The following GFPT1 variants were observed in gnomAD, a reference collection of about 807,000 sequenced individuals.
GFPT1 encodes the protein glutamine--fructose-6-phosphate transaminase 1, also known as glutamine--fructose-6-phosphate aminotransferase [isomerizing] 1.
In GFPT1, 40 loss-of-function variants were observed where a neutral mutation model predicts 92.0. The ratio of observed to expected loss-of-function variants is 0.43; its 90% confidence interval spans 0.34 to 0.57. GFPT1 has a LOEUF of 0.57. Ranked by LOEUF, GFPT1 falls within the 20% of genes least tolerant of loss-of-function variation. GFPT1 has a pLI of 0.02. For synonymous variants in GFPT1, 269 were observed against 280.6 expected (o/e 0.96, Z 0.41); for missense variants, 448 against 869.1 (o/e 0.52, Z 6.09).
At chr2:69,338,146 C>T in intron 14 of GFPT1, 91 bp from the exon 15 acceptor site, 2 of 1,105,044 alleles carry the variant, frequency 1.8e-6, no homozygotes, top group Non-Finnish European at 2.8e-6. Context: ...ACACTTTCAA[C>T]AATATTACTT....
chr2:69,361,447 C>CAA lies in GFPT1; in HGVS notation c.349+2096_349+2097dup, dbSNP rs558027010. 4.4e-3 allele frequency among the ~76,000 whole-genome samples: 390 copies of CAA among 87,864 alleles called. 1 individual carries two copies. Among genetic ancestry groups the CAA allele is most frequent in the African/African-American group, 0.016 (350 of 21,910 alleles). 57.6% of individuals were successfully genotyped at this position (87,864 alleles called of 152,430 possible). On this transcript the variant is annotated intron_variant, in intron 4 of 19. Transcript: ENST00000357308. Reference sequence around the variant, plus strand: ...TTGGAGAAAGAGCGAGATTCCTTCTCAAAAAAAAAAAAAAAAAAAAACTTC... The same window carrying CAA: ...TTGGAGAAAGAGCGAGATTCCTTCTCAAAAAAAAAAAAAAAAAAAAAAACTTC...
intron 3 of GFPT1, among the ~76,000 whole-genome samples, chr2:69,366,994 G>A (rs1671626909): frequency 6.6e-6 from 1 of 152,164 alleles, no homozygotes; most frequent in Non-Finnish European, 1.5e-5. Flanking sequence ...AAAACATCTA[G>A]TCATCTGTGC....
intron 14 of GFPT1, 58 bp downstream of exon 14, chr2:69,338,387 G>T: frequency 6.9e-7 from 1 of 1,455,630 alleles, no homozygotes; most frequent in Non-Finnish European, 9.6e-7. Context: ...GCCAAGATAT[G>T]CTAGAATTAT....
chr2:69,330,876 C>A (rs1387365705), intron 15 of GFPT1, among the ~76,000 whole-genome samples: 1 of 152,074 alleles, frequency 6.6e-6, no homozygotes, highest in Non-Finnish European at 1.5e-5. Context: ...CTCAGATACC[C>A]CATCTGTTAA....
intron 12 of GFPT1, among the ~76,000 whole-genome samples, chr2:69,344,916 A>T (rs1287409688): frequency 6.6e-6 from 1 of 152,144 alleles, no homozygotes; most frequent in Non-Finnish European, 1.5e-5. Flanking sequence ...TACAGGCATG[A>T]GCCACTGCAC....
intron 1 of GFPT1, among the ~76,000 whole-genome samples, chr2:69,377,230 TTAAG>T (rs1671894164): frequency 7.9e-6 from 1 of 126,652 alleles, no homozygotes; most frequent in Non-Finnish European, 1.7e-5. Context: ...AAAAAAAAGA[TTAAG>T]TAATGCAATA....
chr2:69,385,760 A>G (rs1672115247), intron 1 of GFPT1, among the ~76,000 whole-genome samples: 1 of 152,144 alleles, frequency 6.6e-6, no homozygotes, highest in Admixed American at 6.5e-5. Context: ...AGACACTGCA[A>G]AAGTCTGATT....
At position 69,354,550 on chromosome 2, in the gene GFPT1, C is replaced by T. The variant is rs1170516739; in HGVS notation, c.624G>A (p.Leu208=). 2 of 1,608,520 alleles carry T rather than the reference C, an allele frequency of 1.2e-6. No individual in the cohort carries two copies. Among genetic ancestry groups the T allele is most frequent in the African/African-American group, 2.7e-5 (2 of 74,820 alleles). ...AVGTRRGSPL[L]IGVRSEHKLS... ...GTTTATGTTCACTCCGTACACCAATCAACAGAGGGCTACCTCGCCTGTAAA... is the reference window on the plus strand; with the variant it reads ...GTTTATGTTCACTCCGTACACCAATTAACAGAGGGCTACCTCGCCTGTAAA... Residue 208 remains leucine, a synonymous_variant, in exon 8 of 20, where the codon TTG becomes TTA. Transcript: ENST00000357308.
At chr2:69,367,986 A>C (rs1671651123) in intron 3 of GFPT1, among the ~76,000 whole-genome samples, 1 of 152,186 alleles carries the variant, frequency 6.6e-6, no homozygotes, top group African/African-American at 2.4e-5. Context: ...CAGTGGTTCA[A>C]GCCTGTAATT....
intron 3 of GFPT1, among the ~76,000 whole-genome samples, chr2:69,369,707 C>T (rs1054013708): frequency 2.0e-5 from 3 of 152,210 alleles, no homozygotes; most frequent in Non-Finnish European, 2.9e-5. Flanking sequence ...AAAGCTCTTC[C>T]TCAGGAATGG....
chr2:69,378,046 C>T (rs1436912260), intron 1 of GFPT1, among the ~76,000 whole-genome samples: 3 of 152,138 alleles, frequency 2.0e-5, no homozygotes, highest in African/African-American at 7.2e-5. Context: ...AACAGAGTCT[C>T]GCTTTGTCGC....
At chr2:69,361,276 T>C (rs997197012) in intron 4 of GFPT1, among the ~76,000 whole-genome samples, 1 of 151,626 alleles carries the variant, frequency 6.6e-6, no homozygotes, top group African/African-American at 2.4e-5. Flanking sequence ...GGTGAAACCT[T>C]GTCTCTACTA....
intron 11 of GFPT1, 86 bp from the exon 12 acceptor site, chr2:69,346,085 T>C: frequency 3.8e-6 from 3 of 788,198 alleles, no homozygotes; most frequent in Non-Finnish European, 6.7e-6. Flanking sequence ...TTTAATATAA[T>C]CTTGGTAAAT....
At chr2:69,337,060 ATTTTTTTTTT>A (rs376497924) in intron 15 of GFPT1, among the ~76,000 whole-genome samples, 3 of 118,510 alleles carry the variant, frequency 2.5e-5, no homozygotes, top group Admixed American at 1.8e-4. Context: ...CAAATTTTAA[ATTTTTTTTTT>A]TTTTTTTTTT....
chr2:69,341,924 T>C (rs1011675937), intron 13 of GFPT1, among the ~76,000 whole-genome samples: 4 of 152,144 alleles, frequency 2.6e-5, no homozygotes, highest in Non-Finnish European at 4.4e-5. Context: ...ATGAAGTCCG[T>C]TGCAGGAGGT....
intron 15 of GFPT1, among the ~76,000 whole-genome samples, chr2:69,336,333 T>A: frequency 9.7e-6 from 1 of 102,642 alleles, no homozygotes; most frequent in East Asian, 2.3e-4. Flanking sequence ...AGTGAGAGTC[T>A]GTCTCCAAAA....
intron 15 of GFPT1, among the ~76,000 whole-genome samples, chr2:69,333,372 G>A (rs930146479): frequency 2.6e-5 from 4 of 152,072 alleles, no homozygotes; most frequent in African/African-American, 9.7e-5. Flanking sequence ...AATATTAAAC[G>A]GAGCAACTTT....
Position 69,329,216 on chromosome 2 carries a change from A to T in GFPT1, c.1725+81T>A. 4.4e-6 allele frequency: 6 copies of T among 1,364,734 alleles called. No homozygotes were observed. In the South Asian group the frequency reaches 5.9e-5, roughly 13 times the overall value. The allele number at this position is 1,364,734 out of a possible 1,614,324, so 84.5% of individuals were successfully genotyped here. A position where few individuals can be genotyped will look rare whatever the true frequency, so the allele number is the denominator to read the frequency against. On this transcript the variant is annotated intron_variant, in intron 17 of 19. Coordinates refer to ENST00000357308, the MANE Select transcript of GFPT1 (RefSeq NM_001244710.2). ...CACTTTCAAAAGTTCTACCTATTTC[A>T]TTCATTTAATGTAAAAGTATGACTA...
intron 3 of GFPT1, among the ~76,000 whole-genome samples, chr2:69,366,263 T>G (rs939233602): frequency 3.9e-5 from 6 of 152,230 alleles, no homozygotes; most frequent in Non-Finnish European, 8.8e-5. Flanking sequence ...ACTGTTGCTG[T>G]AGGAACATTA....
Sources: gnomAD v4.1 joint callset for allele counts (sites outside exome capture counted in the v4.1 genomes callset) on GRCh38, gnomAD v4.1.1 for gene constraint, MANE v1.5 for transcripts, NCBI Gene and HGNC (gene_info 2026-07-23, HGNC 2026-07-21) for gene names.